ATAD5: variants seen among roughly 807,000 people sequenced by gnomAD.
ATAD5 encodes the protein ATPase family AAA domain-containing protein 5.
A neutral mutation model predicts 176.9 loss-of-function variants in ATAD5; 58 were observed. The observed-to-expected ratio is 0.33, with a 90% CI of 0.27 to 0.41. ATAD5 has a LOEUF of 0.41. Among genes scored for constraint, ATAD5 ranks in the 10% least tolerant of loss-of-function variants. The pLI is 1.00. For missense variants in ATAD5, 1,789 were observed against 2,094.1 expected, an observed-to-expected ratio of 0.85 and a Z score of 2.84; for synonymous variants, 640 against 712.6, an observed-to-expected ratio of 0.90 and a Z score of 1.62.
chr17:30,878,727 T>TG (rs1375995108), intron 17 of ATAD5, among the ~76,000 whole-genome samples: 2 of 94,398 alleles, frequency 2.1e-5, no homozygotes, highest in African/African-American at 3.9e-5. Context: ...TGTTTTTTTT[T>TG]TTTTTTTTTT....
At chr17:30,886,978 A>G (rs773139165) in intron 18 of ATAD5, among the ~76,000 whole-genome samples, 2 of 152,216 alleles carry the variant, frequency 1.3e-5, no homozygotes, top group Non-Finnish European at 2.9e-5. Flanking sequence ...GCTGTCTTGC[A>G]CAATATACAG....
At chr17:30,834,089 A>G (rs1474178096) in intron 1 of ATAD5, 59 bp from the exon 2 acceptor site, 2 of 1,350,842 alleles carry the variant, frequency 1.5e-6, no homozygotes, top group African/African-American at 3.0e-5. Context: ...CATGTTTAAA[A>G]TTTATATTTT....
chr17:30,890,849 G>A (rs1909600571), intron 19 of ATAD5, among the ~76,000 whole-genome samples: 1 of 151,596 alleles, frequency 6.6e-6, no homozygotes, highest in Admixed American at 6.6e-5. Flanking sequence ...CTTTATGCAT[G>A]TAACATAAAG....
intron 12 of ATAD5, 39 bp downstream of exon 12, chr17:30,868,451 C>T (rs1173861119): frequency 2.2e-6 from 3 of 1,352,944 alleles, no homozygotes; most frequent in South Asian, 3.3e-5. Flanking sequence ...TACCATTTCA[C>T]TGAACATTTT....
At chr17:30,834,002 T>A (rs893499809) in intron 1 of ATAD5, 146 bp from the exon 2 acceptor site, 1 of 700,616 alleles carries the variant, frequency 1.4e-6, no homozygotes, top group Non-Finnish European at 2.1e-6. Context: ...TTAAAGCCTA[T>A]TTTCTTTCTA....
chr17:30,878,723 T>TTTTTTGTTG, intron 17 of ATAD5, among the ~76,000 whole-genome samples: 1 of 82,530 alleles, frequency 1.2e-5, no homozygotes, highest in African/African-American at 5.9e-5. Flanking sequence ...GTGGTGTTTT[T>TTTTTTGTTG]TTTTTTTTTT....
At chr17:30,885,206 A>G (rs1263529416) in intron 18 of ATAD5, among the ~76,000 whole-genome samples, 1 of 152,088 alleles carries the variant, frequency 6.6e-6, no homozygotes, top group East Asian at 1.9e-4. Flanking sequence ...TATTAGAAAC[A>G]GGGTCTCTCT....
rs1412846105 is a variant in ATAD5 at position 30,836,192 on chromosome 17, T to C, written c.1967+144T>C. The C allele has an allele frequency of 5.2e-6, 4 of 771,624 alleles. No individual in the cohort carries two copies. The East Asian group carries it at 9.5e-5, about 18-fold the overall frequency. The allele number at this position is 771,624 out of a possible 1,614,324, so 47.8% of individuals were successfully genotyped here. A position where few individuals can be genotyped will look rare whatever the true frequency, so the allele number is the denominator to read the frequency against. ...AAGAACAGGATTTCTTTTTTTTTTT[T>C]CTTTGAGATGGAGTCTTGCTGTGTC... On this transcript the variant is annotated intron_variant, in intron 2 of 22. Coordinates refer to ENST00000321990, the MANE Select transcript of ATAD5 (RefSeq NM_024857.5).
At chr17:30,837,017 G>C (rs931143561) in intron 2 of ATAD5, among the ~76,000 whole-genome samples, 189 bp from the exon 3 acceptor site, 7 of 152,050 alleles carry the variant, frequency 4.6e-5, no homozygotes, top group Admixed American at 3.3e-4. Context: ...CTGGAAACAA[G>C]TTCTCACTGT....
At chr17:30,839,172 G>C (rs555774465) in intron 3 of ATAD5, among the ~76,000 whole-genome samples, 1 of 151,984 alleles carries the variant, frequency 6.6e-6, no homozygotes, top group East Asian at 1.9e-4. Flanking sequence ...GAGTAAACTG[G>C]TTCCCCTAAG....
At chr17:30,886,595 A>T (rs1311713445) in intron 18 of ATAD5, among the ~76,000 whole-genome samples, 1 of 151,342 alleles carries the variant, frequency 6.6e-6, no homozygotes, top group Non-Finnish European at 1.5e-5. Context: ...ACCTCAGGTG[A>T]TCCCCTTGCC....
chr17:30,865,714 T>C lies in ATAD5; in HGVS notation c.3147T>C (p.Thr1049=). The C allele has an allele frequency of 6.4e-7, 1 of 1,561,270 alleles. No individual in the cohort carries two copies. Among genetic ancestry groups the C allele is most frequent in the African/African-American group, 1.4e-5 (1 of 71,738 alleles). ...TTTTTTTTGCTTTAGATTCTGGAAC[T>C]GAAGACATGCTTTGGACAGAAAAGT... The part of the protein sequence containing the change: ...IKLDSSKDSG[T]EDMLWTEKYQ... Residue 1049 remains threonine (T), a synonymous_variant, in exon 11 of 23, where the codon ACT becomes ACC. Coordinates refer to ENST00000321990, the MANE Select transcript of ATAD5 (RefSeq NM_024857.5).
At chr17:30,849,818 A>G (rs111881665) in intron 6 of ATAD5, among the ~76,000 whole-genome samples, 3,175 of 152,346 alleles carry the variant, frequency 0.021, 56 homozygotes, top group Non-Finnish European at 0.027. Flanking sequence ...CAAAGAACCT[A>G]GAATAGACAA....
chr17:30,878,924 G>A (rs1908845726), intron 17 of ATAD5, among the ~76,000 whole-genome samples: 1 of 151,828 alleles, frequency 6.6e-6, no homozygotes, highest in Non-Finnish European at 1.5e-5. Flanking sequence ...TAGAGACAGG[G>A]TTTCACCATA....
At chr17:30,871,678 CA>C (rs1040009157) in intron 14 of ATAD5, among the ~76,000 whole-genome samples, 5 of 152,100 alleles carry the variant, frequency 3.3e-5, no homozygotes, top group African/African-American at 1.2e-4. Context: ...GTTGTTTTTT[CA>C]ATTGATTGAT....
intron 18 of ATAD5, among the ~76,000 whole-genome samples, chr17:30,886,101 T>C (rs1008208248): frequency 3.3e-5 from 5 of 151,860 alleles, no homozygotes; most frequent in Non-Finnish European, 7.4e-5. Flanking sequence ...ATTGATGGAT[T>C]AGATTTGTGA....
chr17:30,887,577 G>A lies in ATAD5; in HGVS notation c.4258+205G>A, dbSNP rs138824543. ...TACAAGAAAATTTATGGGAGGCCAA[G>A]GTGGGAGGATCACTTGAAGCCAGGA... On this transcript the variant is annotated intron_variant, in intron 19 of 22. Transcript: ENST00000321990. Among the ~76,000 whole-genome samples, 644 of 152,188 alleles carry A rather than the reference G, an allele frequency of 4.2e-3. 2 individuals are homozygous for A. Among genetic ancestry groups the A allele is most frequent in the Middle Eastern group, 0.014 (4 of 294 alleles).
Position 30,869,242 on chromosome 17 carries a change from T to G in ATAD5, c.3314-6T>G. The G allele has an allele frequency of 6.3e-7, 1 of 1,591,564 alleles. No individual in the cohort carries two copies. The highest frequency in any genetic ancestry group is 8.5e-7 in the Non-Finnish European group (1 of 1,174,296). On this transcript the variant is annotated splice_polypyrimidine_tract_variant and splice_region_variant and intron_variant, in intron 12 of 22. Coordinates refer to ENST00000321990, the MANE Select transcript of ATAD5 (RefSeq NM_024857.5). Reference sequence around the variant, plus strand: ...TCATTTTATATGCATTTGAATAATTTTTCAGATTTCTCGGGTGGCATAGAC... The same window carrying G: ...TCATTTTATATGCATTTGAATAATTGTTCAGATTTCTCGGGTGGCATAGAC...
chr17:30,851,393 G>A (rs1906954780), intron 6 of ATAD5, among the ~76,000 whole-genome samples: 1 of 150,988 alleles, frequency 6.6e-6, no homozygotes, highest in Non-Finnish European at 1.5e-5. Context: ...CTACTTGGGA[G>A]GCTGAGGCAG....
Sources: allele counts gnomAD v4.1 joint callset (sites outside exome capture counted in the v4.1 genomes callset), GRCh38; gene constraint gnomAD v4.1.1; transcripts MANE v1.5; gene names NCBI Gene and HGNC (gene_info 2026-07-23, HGNC 2026-07-21).